EPB41L4A: variants seen among roughly 807,000 people sequenced by gnomAD.
EPB41L4A encodes the protein erythrocyte membrane protein band 4.1 like 4A.
In EPB41L4A, 100 loss-of-function variants were observed where a neutral mutation model predicts 108.6. The ratio of observed to expected loss-of-function variants is 0.92; its 90% CI spans 0.78 to 1.09. The LOEUF is 1.09. EPB41L4A is among the 50% of genes least tolerant of loss of function. The probability of loss-of-function intolerance (pLI) is 0.00; values close to 1 mark genes in which losing one functional copy is unlikely to be tolerated. For missense variants in EPB41L4A, 1,030 were observed against 842.7 expected, an observed-to-expected ratio of 1.22 and a Z score of -2.75; for synonymous variants, 319 against 289.0, an observed-to-expected ratio of 1.10 and a Z score of -1.05.
intron 1 of EPB41L4A, among the ~76,000 whole-genome samples, chr5:112,367,285 T>C (rs1323530904): frequency 6.6e-6 from 1 of 152,222 alleles, no homozygotes; most frequent in Non-Finnish European, 1.5e-5. Context: ...TATCTGCTCT[T>C]GACAGATGGA....
chr5:112,275,244 A>G, intron 4 of EPB41L4A, 82 bp downstream of exon 4: 2 of 1,445,496 alleles, frequency 1.4e-6, no homozygotes, highest in Non-Finnish European at 1.8e-6. Context: ...CCAAACGTTT[A>G]GCCCAATTTT....
intron 1 of EPB41L4A, among the ~76,000 whole-genome samples, chr5:112,326,656 G>C (rs1208538627): frequency 2.6e-5 from 4 of 152,150 alleles, no homozygotes; most frequent in Admixed American, 2.6e-4. Context: ...TCCTAAAAAG[G>C]ATGTTATGTG....
At chr5:112,222,805 C>G (rs1748159475) in intron 12 of EPB41L4A, among the ~76,000 whole-genome samples, 1 of 152,146 alleles carries the variant, frequency 6.6e-6, no homozygotes, top group Admixed American at 6.6e-5. Flanking sequence ...CCATTCTTAC[C>G]CCAGGAGAGA....
At chr5:112,309,962 C>T (rs984460334) in intron 1 of EPB41L4A, among the ~76,000 whole-genome samples, 2 of 152,150 alleles carry the variant, frequency 1.3e-5, no homozygotes, top group Non-Finnish European at 2.9e-5. Context: ...CGGGATTCTG[C>T]CAACAGCCAA....
At chr5:112,224,575 A>G (rs953169714) in intron 12 of EPB41L4A, among the ~76,000 whole-genome samples, 3 of 152,214 alleles carry the variant, frequency 2.0e-5, no homozygotes, top group African/African-American at 7.2e-5. Context: ...ATGCTGAATG[A>G]CAAGTTACAG....
intron 12 of EPB41L4A, 118 bp from the exon 13 acceptor site, chr5:112,210,100 T>C: frequency 1.7e-6 from 1 of 597,974 alleles, no homozygotes; most frequent in East Asian, 2.9e-5. Context: ...ATTTTATTGA[T>C]AAATTATAAC....
intron 1 of EPB41L4A, among the ~76,000 whole-genome samples, chr5:112,344,919 C>A (rs1330776939): frequency 6.6e-6 from 1 of 152,190 alleles, no homozygotes. Context: ...TTTTACAAAG[C>A]CACTGTGACA....
intron 1 of EPB41L4A, among the ~76,000 whole-genome samples, chr5:112,319,226 C>T (rs1440275785): frequency 6.6e-6 from 1 of 152,162 alleles, no homozygotes; most frequent in African/African-American, 2.4e-5. Flanking sequence ...GCCAGCTTGA[C>T]AGGACTCTCG....
At chr5:112,264,160 A>G (rs902481663) in intron 6 of EPB41L4A, 2 of 152,206 alleles carry the variant, frequency 1.3e-5, no homozygotes, top group Non-Finnish European at 2.9e-5. Context: ...AGTATATTCA[A>G]GAGGAAGTGT....
chr5:112,419,193 C>G lies in EPB41L4A; in HGVS notation c.-154G>C. The G allele has an allele frequency of 1.8e-6, 1 of 541,218 alleles. No individual in the cohort carries two copies. The highest frequency in any genetic ancestry group is 3.3e-6 in the Non-Finnish European group (1 of 307,306). The allele number at this position is 541,218 out of a possible 1,614,324, so 33.5% of individuals were successfully genotyped here. A position where few individuals can be genotyped will look rare whatever the true frequency, so the allele number is the denominator to read the frequency against. On this transcript the variant is annotated 5_prime_UTR_variant, in exon 1 of 23. Transcript: ENST00000261486. ...CGGGGTCCGGGGACCGGCCGCCGAA[C>G]CGCCCGGCGGGGCGGGAGCGAGAAA...
At chr5:112,371,499 T>G (rs1395026141) in intron 1 of EPB41L4A, among the ~76,000 whole-genome samples, 1 of 152,124 alleles carries the variant, frequency 6.6e-6, no homozygotes, top group African/African-American at 2.4e-5. Flanking sequence ...CTCAGAGGAC[T>G]CAGTTGCCTG....
At chr5:112,417,292 A>G (rs1762772582) in intron 1 of EPB41L4A, among the ~76,000 whole-genome samples, 1 of 152,214 alleles carries the variant, frequency 6.6e-6, no homozygotes, top group Admixed American at 6.5e-5. Flanking sequence ...AATAATGTAC[A>G]CGCTCTACAG....
chr5:112,387,960 A>G (rs1436995094), intron 1 of EPB41L4A, among the ~76,000 whole-genome samples: 2 of 152,202 alleles, frequency 1.3e-5, no homozygotes, highest in African/African-American at 2.4e-5. Context: ...ATAAAAGAAA[A>G]AGGAAGTAAA....
chr5:112,161,194 T>C, downstream of EPB41L4A: 2 of 256,752 alleles, frequency 7.8e-6, no homozygotes, highest in South Asian at 7.9e-5. Flanking sequence ...TAACTGACTT[T>C]ATGCTTGCCC....
chr5:112,160,295 G>T (rs759099600), downstream of EPB41L4A, among the ~76,000 whole-genome samples: 5 of 152,024 alleles, frequency 3.3e-5, no homozygotes, highest in Non-Finnish European at 7.4e-5. Context: ...GCTACCCTAT[G>T]GCATGACCCT....
intron 9 of EPB41L4A, among the ~76,000 whole-genome samples, chr5:112,254,949 C>A (rs537716864): frequency 2.0e-5 from 3 of 152,200 alleles, no homozygotes; most frequent in African/African-American, 7.2e-5. Context: ...CTCTGAAGAC[C>A]CTGTTTCCAC....
chr5:112,354,962 T>C (rs1758278085), intron 1 of EPB41L4A, among the ~76,000 whole-genome samples: 1 of 152,054 alleles, frequency 6.6e-6, no homozygotes, highest in Admixed American at 6.6e-5. Context: ...TTTTATCTGA[T>C]TTTTTTTAAA....
At chr5:112,144,318 C>T (rs1005333972) in intron 13 of EPB41L4A, among the ~76,000 whole-genome samples, 7 of 152,030 alleles carry the variant, frequency 4.6e-5, no homozygotes, top group African/African-American at 1.7e-4. Context: ...AGTGTCTCAC[C>T]CTGTTGTCCA....
intron 1 of EPB41L4A, among the ~76,000 whole-genome samples, chr5:112,389,393 T>C (rs1760781219): frequency 6.6e-6 from 1 of 152,206 alleles, no homozygotes; most frequent in Non-Finnish European, 1.5e-5. Flanking sequence ...TCATCCATGC[T>C]AAAGTTCCAG....
Sources: gnomAD v4.1 joint callset for allele counts (sites outside exome capture counted in the v4.1 genomes callset) on GRCh38, gnomAD v4.1.1 for gene constraint, MANE v1.5 for transcripts, NCBI Gene and HGNC (gene_info 2026-07-23, HGNC 2026-07-21) for gene names.